The following ZFP36L1 variants were observed in gnomAD, a reference collection of about 807,000 sequenced individuals.
ZFP36L1 encodes the protein mRNA decay activator protein ZFP36L1.
In ZFP36L1, 4 loss-of-function variants were observed where a neutral mutation model predicts 16.7. That is an observed-to-expected ratio of 0.24 (90% CI 0.12 to 0.55). The LOEUF is 0.55. Among genes scored for constraint, ZFP36L1 ranks in the 20% least tolerant of loss-of-function variants. The pLI is 0.94. For missense variants in ZFP36L1, 311 were observed against 449.2 expected (o/e 0.69, Z 2.78); for synonymous variants, 220 against 190.8 (o/e 1.15, Z -1.26).
chr14:68,791,552 G>T (rs1011600476), intron 1 of ZFP36L1, among the ~76,000 whole-genome samples: 1 of 151,948 alleles, frequency 6.6e-6, no homozygotes, highest in East Asian at 1.9e-4. Flanking sequence ...AGGATCAGCA[G>T]GGGGGGACCG....
At chr14:68,791,342 CT>C in intron 1 of ZFP36L1, 1 of 490,304 alleles carries the variant, frequency 2.0e-6, no homozygotes, top group South Asian at 3.3e-5. Context: ...ACCAACCCCC[CT>C]ACCCACCTCC....
chr14:68,790,500 G>C lies in ZFP36L1; in HGVS notation c.58-8C>G. Reference sequence around the variant, plus strand: ...GTTGAGCATCTTGTTACCCTGGAGAGAGAAGAGAAAGGATGGTAAGGACAG... The same window carrying C: ...GTTGAGCATCTTGTTACCCTGGAGACAGAAGAGAAAGGATGGTAAGGACAG... On this transcript the variant is annotated splice_polypyrimidine_tract_variant and splice_region_variant and intron_variant, in intron 1 of 1. Coordinates refer to ENST00000439696, the MANE Select transcript of ZFP36L1 (RefSeq NM_004926.4). 1 of 1,613,788 alleles carries C rather than the reference G, an allele frequency of 6.2e-7. No individual in the cohort carries two copies. Among genetic ancestry groups the C allele is most frequent in the Admixed American group, 1.7e-5 (1 of 59,978 alleles).
At position 68,788,554 on chromosome 14, in the gene ZFP36L1, T is replaced by C. The variant is rs1342122662; in HGVS notation, c.*979A>G. 6.5e-6 allele frequency: 1 copy of C among 152,698 alleles called. No homozygotes were observed. Among genetic ancestry groups the C allele is most frequent in the African/African-American group, 2.4e-5 (1 of 41,434 alleles). The allele number at this position is 152,698 out of a possible 1,614,324, so 9.5% of individuals were successfully genotyped here. On this transcript the variant is annotated 3_prime_UTR_variant, in exon 2 of 2. Transcript: ENST00000439696. ...ACAGGAAATCGTTTTACACAGATAT[T>C]GTATGTGGAATGAATACCATTAACT...
In ZFP36L1 at chr14:68,789,988, C is replaced by T. The variant is rs749727355; in HGVS notation, c.562G>A (p.Ala188Thr). The T allele has an allele frequency of 6.2e-7, 1 of 1,605,504 alleles. No homozygotes were observed. Among genetic ancestry groups the T allele is most frequent in the Non-Finnish European group, 8.5e-7 (1 of 1,176,398 alleles). Residue 188 changes from alanine (A) to threonine (T), a missense_variant, in exon 2 of 2, where the codon GCC (alanine) becomes ACC (threonine). By Grantham distance (58) the Ala-to-Thr change is moderately conservative. Coordinates refer to ENST00000439696, the MANE Select transcript of ZFP36L1 (RefSeq NM_004926.4). This position sits in a 1 kb window ranked among gnomAD's most constrained non-coding sequence, Gnocchi z 4.5. ...GGACGGTCAGCGGAGAGGTCCCGGG[C>T]CCCGGCCAGGGCACGGCGCTCTTCA... ...NAEERRALAG[A>T]RDLSADRPRL...
chr14:68,791,135 CTT>C, intron 1 of ZFP36L1: 1 of 694,100 alleles, frequency 1.4e-6, no homozygotes, highest in Non-Finnish European at 2.6e-6. Flanking sequence ...AAATAAAACT[CTT>C]TGCCCTAAGT....
chr14:68,792,976 G>A lies in ZFP36L1; in HGVS notation c.-38C>T, dbSNP rs756991101. The A allele has an allele frequency of 1.8e-5, 29 of 1,612,894 alleles. No homozygotes were observed. The highest frequency in any genetic ancestry group is 3.3e-5 in the South Asian group (3 of 91,086). The stretch of plus-strand genomic sequence containing the variant: ...CGCGAGCCAGGGGCGAGGATCTGGT[G>A]TGTCGCGAAGGTCCCGGTGCGGGGA... On this transcript the variant is annotated 5_prime_UTR_variant, in exon 1 of 2. Transcript: ENST00000439696.
At chr14:68,792,561 A>T (rs1895119038) in intron 1 of ZFP36L1, among the ~76,000 whole-genome samples, 1 of 152,200 alleles carries the variant, frequency 6.6e-6, no homozygotes, top group Admixed American at 6.5e-5. Context: ...GCAGCACGTT[A>T]CGTAAAACAG....
At chr14:68,796,242 G>T, upstream of ZFP36L1, 1 of 1,366,784 alleles carries the variant, frequency 7.3e-7, no homozygotes, top group South Asian at 1.1e-5. Flanking sequence ...TTGTGCAAGG[G>T]GGAAAGTGAA....
upstream of ZFP36L1, chr14:68,795,712 G>T: frequency 2.0e-6 from 1 of 501,862 alleles, no homozygotes; most frequent in South Asian, 1.5e-5. Context: ...TTGTTTACCG[G>T]CCCCGCCGAC....
rs978701490 is a variant in ZFP36L1 at position 68,787,709 on chromosome 14, T to C, written c.*1824A>G. 2.7e-5 allele frequency: 4 copies of C among 149,112 alleles called. No homozygotes were observed. Among genetic ancestry groups the C allele is most frequent in the Non-Finnish European group, 4.5e-5 (3 of 67,214 alleles). 9.2% of individuals were successfully genotyped at this position (149,112 alleles called of 1,614,324 possible). A position where few individuals can be genotyped will look rare whatever the true frequency, so the allele number is the denominator to read the frequency against. The stretch of plus-strand genomic sequence containing the variant: ...TTGATTTTTAAACTGCAAATAGTCG[T>C]TACAAAAAGTTTTTTTTTCTTTTAA... On this transcript the variant is annotated 3_prime_UTR_variant, in exon 2 of 2. Transcript: ENST00000439696.
chr14:68,791,251 T>C (rs1429480118), intron 1 of ZFP36L1: 9 of 557,362 alleles, frequency 1.6e-5, no homozygotes, highest in Non-Finnish European at 2.2e-5. Context: ...ATTAGTCTTT[T>C]GGCTGCAAGA....
intron 1 of ZFP36L1, among the ~76,000 whole-genome samples, chr14:68,792,344 A>T (rs1387332562): frequency 6.6e-6 from 1 of 152,242 alleles, no homozygotes; most frequent in Admixed American, 6.5e-5. Context: ...CCCACTGCAA[A>T]CTTGTTCTGC....
upstream of ZFP36L1, chr14:68,793,150 A>G: frequency 8.3e-7 from 1 of 1,205,152 alleles, no homozygotes; most frequent in Non-Finnish European, 1.0e-6. Context: ...TATTTAAATG[A>G]GGAAGAGGAG....
chr14:68,792,568 A>T (rs2140212181), intron 1 of ZFP36L1, among the ~76,000 whole-genome samples: 1 of 152,152 alleles, frequency 6.6e-6, no homozygotes, highest in East Asian at 1.9e-4. Flanking sequence ...GTTACGTAAA[A>T]CAGGATCGCC....
upstream of ZFP36L1, chr14:68,796,064 C>A (rs748713974): frequency 1.5e-6 from 2 of 1,346,264 alleles, no homozygotes; most frequent in East Asian, 4.7e-5. Flanking sequence ...CCAGGCTGGC[C>A]GCCGCCTCAC....
intron 1 of ZFP36L1, among the ~76,000 whole-genome samples, chr14:68,791,437 T>C (rs928131723): frequency 6.6e-6 from 1 of 152,158 alleles, no homozygotes; most frequent in African/African-American, 2.4e-5. Context: ...CCTGGTCACC[T>C]GCCCAAATTG....
chr14:68,789,729 G>T lies in ZFP36L1; in HGVS notation c.821C>A (p.Pro274Gln), dbSNP rs547380298. The part of the protein sequence containing the change: ...PSMGLPGGGS[P>Q]TTFLFRPMSE... ...CATGGGCCGGAAGAGGAAGGTGGTC[G>T]GGGAGCCACCCCCGGGCAGCCCCAT... Residue 274 changes from proline (P) to glutamine (Q), a missense_variant, in exon 2 of 2, where the codon CCG becomes CAG. Pro to Gln is a moderately conservative substitution (Grantham distance 76). Coordinates refer to ENST00000439696, the MANE Select transcript of ZFP36L1 (RefSeq NM_004926.4). This position sits in a 1 kb window ranked among gnomAD's most constrained non-coding sequence, Gnocchi z 4.5. 1.2e-6 allele frequency: 2 copies of T among 1,614,032 alleles called. No individual in the cohort carries two copies. The highest frequency in any genetic ancestry group is 3.3e-5 in the Admixed American group (2 of 60,028).
At chr14:68,794,395 AAT>A (rs1157376986), upstream of ZFP36L1, 1 of 152,154 alleles carries the variant, frequency 6.6e-6, no homozygotes, top group Non-Finnish European at 1.5e-5. Flanking sequence ...AAAATGATAA[AAT>A]ATATACTGTT....
rs115919547 is a variant in ZFP36L1 at position 68,789,451 on chromosome 14, G to T, written c.*82C>A. On this transcript the variant is annotated 3_prime_UTR_variant, in exon 2 of 2. Coordinates refer to ENST00000439696, the MANE Select transcript of ZFP36L1 (RefSeq NM_004926.4). The surrounding 1 kb of genome is among the most constrained non-coding windows in gnomAD (Gnocchi z 4.5). Reference sequence around the variant, plus strand: ...TGTTAATGTAGGGCCTGTGGGGAATGGGATGGGTAGGGAGAAGAGGGTATG... The same window carrying T: ...TGTTAATGTAGGGCCTGTGGGGAATTGGATGGGTAGGGAGAAGAGGGTATG... 4.2e-5 allele frequency: 66 copies of T among 1,586,172 alleles called. No individual in the cohort carries two copies. Among genetic ancestry groups the T allele is most frequent in the Non-Finnish European group, 5.4e-5 (63 of 1,164,114 alleles).
Sources: gnomAD v4.1 joint callset for allele counts (sites outside exome capture counted in the v4.1 genomes callset) on GRCh38, gnomAD v4.1.1 for gene constraint, Gnocchi (gnomAD v3.1) non-coding constraint, MANE v1.5 for transcripts, NCBI Gene and HGNC (gene_info 2026-07-23, HGNC 2026-07-21) for gene names.